MAGI2: variants seen among roughly 807,000 people sequenced by gnomAD.
MAGI2 encodes membrane associated guanylate kinase, WW and PDZ domain containing 2.
A neutral mutation model predicts 133.3 loss-of-function variants in MAGI2; 35 were observed. That is an observed-to-expected ratio of 0.26 (90% CI 0.20 to 0.35). The LOEUF is 0.35. Ranked by LOEUF, MAGI2 falls within the 10% of genes least tolerant of loss-of-function variation. The pLI is 1.00. For missense variants in MAGI2, 1,636 were observed against 1,863.4 expected (o/e 0.88, Z 2.25); for synonymous variants, 729 against 710.6 (o/e 1.03, Z -0.41).
At chr7:78,957,735 C>A (rs1489222170) in intron 2 of MAGI2, among the ~76,000 whole-genome samples, 1 of 152,096 alleles carries the variant, frequency 6.6e-6, no homozygotes, top group African/African-American at 2.4e-5. Context: ...CACAGCCAGT[C>A]AATGGTATGG....
chr7:78,685,676 G>A (rs1363200496), intron 2 of MAGI2, among the ~76,000 whole-genome samples: 1 of 151,614 alleles, frequency 6.6e-6, no homozygotes, highest in East Asian at 1.9e-4. Flanking sequence ...GTATATATAG[G>A]TTAGCACATA....
At chr7:78,983,850 C>G (rs1805004225) in intron 2 of MAGI2, among the ~76,000 whole-genome samples, 2 of 152,080 alleles carry the variant, frequency 1.3e-5, no homozygotes, top group South Asian at 4.2e-4. Flanking sequence ...CTCATCTGAA[C>G]TCCAGGTAAT....
intron 1 of MAGI2, among the ~76,000 whole-genome samples, chr7:79,088,488 T>C (rs940983454): frequency 6.6e-6 from 1 of 152,022 alleles, no homozygotes; most frequent in Non-Finnish European, 1.5e-5. Context: ...CTTTTCCTAT[T>C]TGAATACTTT....
At chr7:79,067,929 C>T (rs544608608) in intron 1 of MAGI2, among the ~76,000 whole-genome samples, 1 of 152,100 alleles carries the variant, frequency 6.6e-6, no homozygotes, top group South Asian at 2.1e-4. Context: ...ATATTTTGAA[C>T]CAGGCTTGCA....
chr7:78,135,209 A>G lies in MAGI2; in HGVS notation c.2846-3T>C. ...GCGTCCGATTTTATGGGGCACAGCT[A>G]AAAAAACCCCAACAGAAATAGGTAT... On this transcript the variant is annotated splice_region_variant and splice_polypyrimidine_tract_variant and intron_variant, in intron 16 of 21. Transcript: ENST00000354212. 6.2e-7 allele frequency: 1 copy of G among 1,612,304 alleles called. No individual in the cohort carries two copies. The highest frequency in any genetic ancestry group is 8.5e-7 in the Non-Finnish European group (1 of 1,178,566).
intron 2 of MAGI2, among the ~76,000 whole-genome samples, chr7:78,628,804 T>G (rs558066085): frequency 6.7e-6 from 1 of 149,468 alleles, no homozygotes; most frequent in Non-Finnish European, 1.5e-5. Context: ...TTAATGTTTC[T>G]ATGAGAACCT....
At chr7:78,323,744 A>C (rs1788256519) in intron 9 of MAGI2, among the ~76,000 whole-genome samples, 1 of 152,212 alleles carries the variant, frequency 6.6e-6, no homozygotes, top group African/African-American at 2.4e-5. Flanking sequence ...TGGTAATCTA[A>C]ATGACATAAA....
intron 15 of MAGI2, among the ~76,000 whole-genome samples, chr7:78,161,210 A>G (rs1464777335): frequency 6.6e-6 from 1 of 152,178 alleles, no homozygotes; most frequent in Non-Finnish European, 1.5e-5. Context: ...AAGCCAGCAT[A>G]TTTCCATGGA....
chr7:78,243,267 ACACTCT>A (rs781686226), intron 10 of MAGI2, among the ~76,000 whole-genome samples: 3,292 of 68,210 alleles, frequency 0.048, 44 homozygotes, highest in East Asian at 0.2. Flanking sequence ...ACACACACAC[ACACTCT>A]CTCTCTCTCT....
intron 5 of MAGI2, among the ~76,000 whole-genome samples, chr7:78,497,722 T>TCTATCTATCTA: frequency 1.0e-5 from 1 of 97,242 alleles, no homozygotes; most frequent in East Asian, 2.6e-4. Flanking sequence ...GAAATAACTA[T>TCTATCTATCTA]TCTATCTATC....
chr7:79,297,101 G>A, intron 1 of MAGI2, among the ~76,000 whole-genome samples: 1 of 152,182 alleles, frequency 6.6e-6, no homozygotes, highest in East Asian at 1.9e-4. Flanking sequence ...ATTCAGTCAT[G>A]CCAGCAGGAA....
At chr7:79,222,831 TG>T (rs1830540009) in intron 1 of MAGI2, among the ~76,000 whole-genome samples, 3 of 152,082 alleles carry the variant, frequency 2.0e-5, no homozygotes, top group African/African-American at 4.8e-5. Context: ...AATGCATGTT[TG>T]TATGTTGTTT....
chr7:79,314,621 C>T (rs760482631), intron 1 of MAGI2, among the ~76,000 whole-genome samples: 3 of 152,074 alleles, frequency 2.0e-5, no homozygotes, highest in Non-Finnish European at 4.4e-5. Flanking sequence ...TTGCAGTCTT[C>T]CTCCTGAGGA....
rs1342383570 is a variant in MAGI2, at chr7:79,083,300, GTTA to G, written c.302-76097_302-76095del. Among the ~76,000 whole-genome samples, 11 of 40,838 alleles carry G rather than the reference GTTA, an allele frequency of 2.7e-4. No individual in the cohort carries two copies. In the East Asian group the frequency reaches 3.2e-3, roughly 12 times the overall value. 26.8% of individuals were successfully genotyped at this position (40,838 alleles called of 152,430 possible). A position where few individuals can be genotyped will look rare whatever the true frequency, so the allele number is the denominator to read the frequency against. ...CTAGTTTTTCACCAATAAGTATGAT[GTTA>G]TTTTTTTTTTTTTTTTCATAGATGG... is the stretch of plus-strand genomic sequence containing the variant. On this transcript the variant is annotated intron_variant, in intron 1 of 21. Transcript: ENST00000354212.
At chr7:79,443,695 G>A (rs1848649250) in intron 1 of MAGI2, among the ~76,000 whole-genome samples, 1 of 152,224 alleles carries the variant, frequency 6.6e-6, no homozygotes, top group Non-Finnish European at 1.5e-5. Context: ...GATCTATTAA[G>A]TGACAATGTA....
chr7:78,147,843 C>A (rs917649827), intron 16 of MAGI2, among the ~76,000 whole-genome samples: 4 of 151,610 alleles, frequency 2.6e-5, no homozygotes, highest in Admixed American at 6.6e-5. Flanking sequence ...CCAAAAAAAA[C>A]CACCCCCAAA....
intron 2 of MAGI2, among the ~76,000 whole-genome samples, chr7:78,647,650 T>A (rs909871797): frequency 1.3e-5 from 2 of 152,212 alleles, no homozygotes; most frequent in African/African-American, 4.8e-5. Flanking sequence ...ACTGGGTATA[T>A]ACCCAAAGGA....
chr7:78,636,716 T>A (rs1033259831), intron 2 of MAGI2, among the ~76,000 whole-genome samples: 1 of 152,084 alleles, frequency 6.6e-6, no homozygotes, highest in African/African-American at 2.4e-5. Context: ...GAGAATGGCG[T>A]GAACCCGGGA....
At chr7:78,489,929 C>A in intron 5 of MAGI2, 89 bp from the exon 6 acceptor site, 1 of 929,782 alleles carries the variant, frequency 1.1e-6, no homozygotes, top group South Asian at 1.6e-5. Flanking sequence ...GTTAGTCCAA[C>A]AAAATTGCAA....
Sources: gnomAD v4.1 joint callset for allele counts (sites outside exome capture counted in the v4.1 genomes callset) on GRCh38, gnomAD v4.1.1 for gene constraint, MANE v1.5 for transcripts, NCBI Gene and HGNC (gene_info 2026-07-23, HGNC 2026-07-21) for gene names.